Variants in BSPH1 observed in about 807,000 individuals in gnomAD.
BSPH1 encodes the protein binder of sperm protein homolog 1.
Under a neutral mutation model 22.5 loss-of-function variants are expected in BSPH1, and 21 were observed. The observed-to-expected ratio is 0.93, with a 90% CI of 0.66 to 1.35. The LOEUF (loss-of-function observed/expected upper bound fraction) is 1.35. BSPH1 is among the 40% of genes most tolerant of loss of function. BSPH1 has a pLI of 0.00. For missense variants in BSPH1, 141 were observed against 154.2 expected, an observed-to-expected ratio of 0.91 and a Z score of 0.45; for synonymous variants, 42 against 53.6, an observed-to-expected ratio of 0.78 and a Z score of 0.95.
intron 3 of BSPH1, among the ~76,000 whole-genome samples, chr19:47,978,333 G>A (rs1024789788): frequency 1.3e-5 from 2 of 152,076 alleles, no homozygotes; most frequent in South Asian, 2.1e-4. Flanking sequence ...TCAAACTCCT[G>A]AGCTCAAGCA....
chr19:47,974,446 T>C (rs1969342381), intron 5 of BSPH1, among the ~76,000 whole-genome samples: 1 of 151,922 alleles, frequency 6.6e-6, no homozygotes, highest in South Asian at 2.1e-4. Context: ...ACTGTTGTAT[T>C]TTTAGTAGAG....
chr19:47,982,404 C>T (rs1364742845), intron 1 of BSPH1, among the ~76,000 whole-genome samples: 1 of 152,130 alleles, frequency 6.6e-6, no homozygotes, highest in South Asian at 2.1e-4. Flanking sequence ...GCTATTTGCT[C>T]GTGTTTATTC....
At chr19:47,987,682 C>G (rs1969484099) in intron 1 of BSPH1, among the ~76,000 whole-genome samples, 1 of 152,088 alleles carries the variant, frequency 6.6e-6, no homozygotes, top group African/African-American at 2.4e-5. Flanking sequence ...TGATCCTGCC[C>G]TTAGGTCAAA....
intron 1 of BSPH1, among the ~76,000 whole-genome samples, chr19:47,985,063 GAAA>G (rs77675265): frequency 2.7e-5 from 2 of 75,112 alleles, no homozygotes; most frequent in Admixed American, 1.4e-4. Context: ...GACTCTGTCT[GAAA>G]AAAAAAAAAA....
intron 5 of BSPH1, among the ~76,000 whole-genome samples, chr19:47,974,356 A>G (rs1211067661): frequency 6.1e-5 from 8 of 130,482 alleles, no homozygotes; most frequent in African/African-American, 2.1e-4. Context: ...TGCAACCTCC[A>G]CCTCCCGGGT....
intron 5 of BSPH1, among the ~76,000 whole-genome samples, chr19:47,968,682 A>T (rs1196613014): frequency 8.8e-5 from 1 of 11,336 alleles, no homozygotes; most frequent in African/African-American, 2.9e-4. Flanking sequence ...ACCCTGTCTT[A>T]AAAAAAAAAA....
In BSPH1 at chr19:47,977,460, A is replaced by G; in HGVS notation, c.169T>C (p.Tyr57His). Residue 57 changes from tyrosine (Y) to histidine (H), a missense_variant, in exon 4 of 6, where the codon TAT becomes CAT. Coordinates refer to ENST00000344839, the MANE Select transcript of BSPH1 (RefSeq NM_001128326.2). The part of the protein sequence containing the change: ...FPFHYKNGTY[Y>H]DCIKSKARHK... The stretch of plus-strand genomic sequence containing the variant: ...CTTGCCTTGGACTTGATGCAGTCAT[A>G]ATATGTTCCATTTTTATAGTGGAAT... The G allele has an allele frequency of 6.4e-7, 1 of 1,551,752 alleles. No individual in the cohort carries two copies. Among genetic ancestry groups the G allele is most frequent in the Admixed American group, 2.0e-5 (1 of 50,986 alleles).
intron 5 of BSPH1, among the ~76,000 whole-genome samples, chr19:47,975,385 G>A (rs1969352035): frequency 6.6e-6 from 1 of 152,074 alleles, no homozygotes; most frequent in Non-Finnish European, 1.5e-5. Context: ...ATGCTCTGTG[G>A]CTTCTCTTTG....
intron 3 of BSPH1, among the ~76,000 whole-genome samples, chr19:47,978,087 A>G (rs8106418): frequency 0.19 from 27,500 of 147,836 alleles, 2,985 homozygotes; most frequent in Middle Eastern, 0.26. Context: ...CTACCCTTCA[A>G]AATGAATCAT....
chr19:47,971,472 C>A (rs1181502203), intron 5 of BSPH1, among the ~76,000 whole-genome samples: 2 of 152,244 alleles, frequency 1.3e-5, no homozygotes, highest in Non-Finnish European at 2.9e-5. Flanking sequence ...TCCCAAAGTG[C>A]TGGGATGACA....
Position 47,980,939 on chromosome 19 carries a change from C to A in BSPH1, c.76G>T (p.Glu26Ter). The change falls in exon 2 of 6, where the codon GAA becomes TAA. Residue 26 changes from glutamate (E) to a stop codon, truncating the protein, a stop_gained and splice_region_variant. Transcript: ENST00000344839. LOFTEE classifies it high-confidence loss of function. ...AACTCACCCACAGTTGATGATAATT[C>A]ATCTGAAAAACACAATTTTGAACAA... Reference protein sequence around the residue: ...SACIFPVILNELSSTVETITH... With the variant: ...SACIFPVILN The A allele has an allele frequency of 6.9e-7, 1 of 1,445,542 alleles. No homozygotes were observed. The highest frequency in any genetic ancestry group is 1.4e-5 in the South Asian group (1 of 72,782). 89.5% of individuals were successfully genotyped at this position (1,445,542 alleles called of 1,614,324 possible). A position where few individuals can be genotyped will look rare whatever the true frequency, so the allele number is the denominator to read the frequency against.
At chr19:47,969,845 GT>G (rs1197812139) in intron 5 of BSPH1, among the ~76,000 whole-genome samples, 1 of 151,520 alleles carries the variant, frequency 6.6e-6, no homozygotes, top group Admixed American at 6.6e-5. Context: ...TAGAATTTAT[GT>G]TTGTGTAAGA....
At chr19:47,974,548 G>A (rs1011807571) in intron 5 of BSPH1, among the ~76,000 whole-genome samples, 5 of 151,902 alleles carry the variant, frequency 3.3e-5, no homozygotes, top group South Asian at 4.2e-4. Flanking sequence ...GGGATTACAG[G>A]CGTGAGCCAC....
chr19:47,991,586 CTG>C (rs1966873835), intron 1 of BSPH1, among the ~76,000 whole-genome samples: 1 of 100,098 alleles, frequency 1.0e-5, no homozygotes, highest in African/African-American at 3.9e-5. Flanking sequence ...TCTTTCCCCT[CTG>C]TCTCCCCCTC....
chr19:47,985,275 C>T (rs2122260802), intron 1 of BSPH1, among the ~76,000 whole-genome samples: 1 of 151,240 alleles, frequency 6.6e-6, no homozygotes, highest in South Asian at 2.1e-4. Flanking sequence ...AAATACCTTA[C>T]CTACAGAGAA....
intron 1 of BSPH1, among the ~76,000 whole-genome samples, chr19:47,991,794 T>C (rs1297098752): frequency 1.0e-4 from 5 of 48,808 alleles, no homozygotes; most frequent in African/African-American, 7.2e-5. Flanking sequence ...TTCTCCCCCC[T>C]TTCCCTCTTT....
intron 1 of BSPH1, among the ~76,000 whole-genome samples, chr19:47,985,256 G>T (rs1305916021): frequency 6.6e-6 from 1 of 151,960 alleles, no homozygotes; most frequent in Non-Finnish European, 1.5e-5. Flanking sequence ...AAAGAAGCCA[G>T]AGGGGGAAAA....
chr19:47,969,724 A>AGAGAGAGAGAGAGAGC (rs1568394481), intron 5 of BSPH1, among the ~76,000 whole-genome samples: 1 of 129,478 alleles, frequency 7.7e-6, no homozygotes, highest in Admixed American at 8.1e-5. Flanking sequence ...AGAGAGAGAG[A>AGAGAGAGAGAGAGAGC]GACTTTAGAA....
At chr19:47,973,752 C>T (rs931893966) in intron 5 of BSPH1, among the ~76,000 whole-genome samples, 8 of 152,144 alleles carry the variant, frequency 5.3e-5, no homozygotes, top group African/African-American at 1.2e-4. Context: ...TTCTTGTTCC[C>T]GCCACTGCTC....
Sources: gnomAD v4.1 joint callset for allele counts (sites outside exome capture counted in the v4.1 genomes callset) on GRCh38, gnomAD v4.1.1 for gene constraint, MANE v1.5 for transcripts, NCBI Gene and HGNC (gene_info 2026-07-23, HGNC 2026-07-21) for gene names.